Variants in ROBO2 observed in about 807,000 individuals in gnomAD.
ROBO2 encodes roundabout guidance receptor 2, also known as roundabout homolog 2.
In ROBO2, 53 loss-of-function variants were observed where a neutral mutation model predicts 160.8. The observed-to-expected ratio is 0.33, with a 90% CI of 0.26 to 0.41. The LOEUF (loss-of-function observed/expected upper bound fraction) is 0.41. Ranked by LOEUF, ROBO2 falls within the 10% of genes least tolerant of loss-of-function variation. The probability of loss-of-function intolerance (pLI) is 1.00; values close to 1 mark genes in which losing one functional copy is unlikely to be tolerated. For synonymous variants in ROBO2, 664 were observed against 611.7 expected (o/e 1.09, Z -1.26); for missense variants, 1,577 against 1,722.4 (o/e 0.92, Z 1.49).
chr3:77,462,353 C>CA (rs1454713161), intron 2 of ROBO2, among the ~76,000 whole-genome samples: 1 of 152,110 alleles, frequency 6.6e-6, no homozygotes, highest in Non-Finnish European at 1.5e-5. Flanking sequence ...AAATGTCCTT[C>CA]TCAATAGCAA....
chr3:77,143,341 T>C (rs1311462871), intron 2 of ROBO2, among the ~76,000 whole-genome samples: 1 of 151,688 alleles, frequency 6.6e-6, no homozygotes. Flanking sequence ...ACTGCAGGCA[T>C]GCACCACCAC....
At chr3:77,519,091 T>C (rs2090327727) in intron 5 of ROBO2, among the ~76,000 whole-genome samples, 2 of 151,488 alleles carry the variant, frequency 1.3e-5, no homozygotes, top group African/African-American at 4.8e-5. Context: ...TTGTTAAGAT[T>C]AATTCATTTT....
intron 2 of ROBO2, among the ~76,000 whole-genome samples, chr3:76,264,886 C>T (rs1380622058): frequency 2.0e-5 from 3 of 152,082 alleles, no homozygotes; most frequent in African/African-American, 4.8e-5. Flanking sequence ...CATTTGTTGC[C>T]ACCTCACTTG....
At chr3:76,325,907 G>A (rs1428222172) in intron 2 of ROBO2, among the ~76,000 whole-genome samples, 1 of 150,694 alleles carries the variant, frequency 6.6e-6, no homozygotes, top group Non-Finnish European at 1.5e-5. Context: ...TCATTGATCA[G>A]AGAATTATTC....
chr3:76,708,630 T>C (rs2093221987), intron 2 of ROBO2, among the ~76,000 whole-genome samples: 1 of 152,184 alleles, frequency 6.6e-6, no homozygotes, highest in African/African-American at 2.4e-5. Context: ...CTATCATAGG[T>C]CATCAGAATT....
chr3:76,201,318 A>G (rs919791894), intron 2 of ROBO2, among the ~76,000 whole-genome samples: 17 of 152,186 alleles, frequency 1.1e-4, no homozygotes, highest in African/African-American at 4.1e-4. Flanking sequence ...TAACGTTGCC[A>G]CTTCCAGTCT....
chr3:77,227,119 T>C lies in ROBO2; in HGVS notation c.388+128779T>C, dbSNP rs1277287058. On this transcript the variant is annotated intron_variant, in intron 2 of 25. Coordinates refer to ENST00000461745, the Ensembl canonical transcript of ROBO2. ...ACAATTTTCTTGTAACAGTGGAAAA[T>C]ATAGGCTCTGATTTTCTTTTTTTTG... 3.3e-5 allele frequency among the ~76,000 whole-genome samples: 5 copies of C among 152,192 alleles called. No homozygotes were observed. In the East Asian group the frequency reaches 9.7e-4, roughly 29 times the overall value.
At chr3:76,482,936 T>C (rs754535230) in intron 2 of ROBO2, among the ~76,000 whole-genome samples, 2 of 152,206 alleles carry the variant, frequency 1.3e-5, no homozygotes, top group Non-Finnish European at 2.9e-5. Context: ...CTTAATGTGA[T>C]GTTTTCAGCA....
chr3:77,559,751 CTA>C (rs979148030), intron 9 of ROBO2, among the ~76,000 whole-genome samples: 1 of 151,992 alleles, frequency 6.6e-6, no homozygotes, highest in Admixed American at 6.6e-5. Flanking sequence ...AACAAAGTGA[CTA>C]TTTTTGCTAC....
intron 2 of ROBO2, among the ~76,000 whole-genome samples, chr3:75,942,366 T>C (rs1948096885): frequency 6.6e-6 from 1 of 152,110 alleles, no homozygotes; most frequent in Admixed American, 6.6e-5. Flanking sequence ...CCAAGAGACA[T>C]GACCTTAAAA....
intron 2 of ROBO2, among the ~76,000 whole-genome samples, chr3:76,581,700 A>C (rs2085712348): frequency 6.6e-6 from 1 of 152,146 alleles, no homozygotes; most frequent in Non-Finnish European, 1.5e-5. Context: ...AGGCAGGCTA[A>C]ATACAACTAA....
intron 2 of ROBO2, among the ~76,000 whole-genome samples, chr3:77,115,012 G>GT (rs2074061611): frequency 6.6e-6 from 1 of 151,818 alleles, no homozygotes; most frequent in African/African-American, 2.4e-5. Context: ...TTTTAAAAAT[G>GT]TTATTTATTT....
At chr3:77,120,705 T>C (rs2074669036) in intron 2 of ROBO2, among the ~76,000 whole-genome samples, 1 of 152,168 alleles carries the variant, frequency 6.6e-6, no homozygotes, top group Admixed American at 6.5e-5. Flanking sequence ...CAAAATAGTA[T>C]ACATTTTAGC....
At chr3:76,301,017 T>C (rs994662159) in intron 2 of ROBO2, among the ~76,000 whole-genome samples, 2 of 152,038 alleles carry the variant, frequency 1.3e-5, no homozygotes, top group African/African-American at 2.4e-5. Flanking sequence ...ATGATTTCTG[T>C]TATGTTTAGT....
At chr3:77,214,798 T>C (rs1056879143) in intron 2 of ROBO2, among the ~76,000 whole-genome samples, 6 of 152,284 alleles carry the variant, frequency 3.9e-5, no homozygotes, top group Non-Finnish European at 5.9e-5. Context: ...CTCTCAGCAT[T>C]TGCTCGTCTG....
chr3:77,263,635 TC>T (rs1311123831), intron 2 of ROBO2, among the ~76,000 whole-genome samples: 3 of 152,240 alleles, frequency 2.0e-5, no homozygotes, highest in Non-Finnish European at 4.4e-5. Flanking sequence ...CACCCCATTT[TC>T]TTTATCTAGT....
intron 2 of ROBO2, among the ~76,000 whole-genome samples, chr3:77,158,425 G>A (rs1166169310): frequency 6.6e-6 from 1 of 152,062 alleles, no homozygotes; most frequent in Admixed American, 6.6e-5. Flanking sequence ...ACCATATGAG[G>A]TAAGTTAATA....
intron 11 of ROBO2, 46 bp downstream of exon 12, chr3:77,563,375 C>T (rs765330643): frequency 9.5e-6 from 15 of 1,580,134 alleles, no homozygotes; most frequent in South Asian, 6.7e-5. Flanking sequence ...GTCTTAGCTC[C>T]TTTATTCTAA....
chr3:76,895,376 C>G (rs114504591), intron 2 of ROBO2, among the ~76,000 whole-genome samples: 277 of 152,042 alleles, frequency 1.8e-3, no homozygotes, highest in African/African-American at 6.1e-3. Flanking sequence ...TGTGATAGTT[C>G]ACACAGAGGC....
Sources: allele counts gnomAD v4.1 joint callset (sites outside exome capture counted in the v4.1 genomes callset), GRCh38; gene constraint gnomAD v4.1.1; transcripts MANE v1.5; gene names NCBI Gene and HGNC (gene_info 2026-07-23, HGNC 2026-07-21).